SUMO2: variants seen among roughly 807,000 people sequenced by gnomAD.
SUMO2 encodes the protein small ubiquitin like modifier 2, also known as small ubiquitin-related modifier 2.
SUMO2 carries 1 observed loss-of-function variant against 16.0 expected under a neutral mutation model. The observed-to-expected ratio is 0.06, with a 90% CI of 0.02 to 0.30. The LOEUF (loss-of-function observed/expected upper bound fraction) is 0.30. Ranked by LOEUF, SUMO2 falls within the 10% of genes least tolerant of loss-of-function variation. The pLI, the probability that SUMO2 is intolerant of heterozygous loss-of-function variation, is 1.00. For synonymous variants in SUMO2, 36 were observed against 40.6 expected, an observed-to-expected ratio of 0.89 and a Z score of 0.43; for missense variants, 16 against 117.5, an observed-to-expected ratio of 0.14 and a Z score of 3.99.
rs1555655457 is a variant in SUMO2, at chr17:75,180,411, A to AAC, written c.153+645_153+646insGT. On this transcript the variant is annotated intron_variant, in intron 2 of 3. Transcript: ENST00000420826. Reference sequence around the variant, plus strand: ...CCAGCTTAAAAAAAAAAAAAAAAAAAAAAAAAAAAACGACTTCTTGGTTTG... The same window carrying AAC: ...CCAGCTTAAAAAAAAAAAAAAAAAAAACAAAAAAAAAACGACTTCTTGGTTTG... 1.7e-4 allele frequency among the ~76,000 whole-genome samples: 24 copies of AAC among 143,722 alleles called. No homozygotes were observed. The East Asian group carries it at 3.1e-3, about 19-fold the overall frequency. The allele number at this position is 143,722 out of a possible 152,430, so 94.3% of individuals were successfully genotyped here.
intron 2 of SUMO2, among the ~76,000 whole-genome samples, chr17:75,178,630 G>A (rs1025671559): frequency 1.1e-4 from 16 of 152,130 alleles, no homozygotes; most frequent in African/African-American, 3.4e-4. Context: ...GTGCAGCGAT[G>A]AGATCATGGC....
rs910417675 is a variant in SUMO2 at position 75,174,374 on chromosome 17, G to C, written c.225+378C>G. 5.3e-5 allele frequency among the ~76,000 whole-genome samples: 8 copies of C among 151,972 alleles called. No homozygotes were observed. The East Asian group carries it at 1.6e-3, about 29-fold the overall frequency. ...ACACTGTACTCAAGCCTGGGCGATG[G>C]AGTGAGATTCCGTCACAAAAAACAA... On this transcript the variant is annotated intron_variant, in intron 3 of 3. Coordinates refer to ENST00000420826, the MANE Select transcript of SUMO2 (RefSeq NM_006937.4).
chr17:75,175,035 G>A (rs1042920056), intron 2 of SUMO2, among the ~76,000 whole-genome samples: 1 of 152,068 alleles, frequency 6.6e-6, no homozygotes, highest in African/African-American at 2.4e-5. Flanking sequence ...AGGCTGAAGT[G>A]CAGTGGCGTG....
rs1375463087 is a variant in SUMO2 at position 75,166,690 on chromosome 17, G to A, written c.*1649C>T. 1 of 152,176 alleles carries A rather than the reference G, an allele frequency of 6.6e-6. No homozygotes were observed. Among genetic ancestry groups the A allele is most frequent in the Non-Finnish European group, 1.5e-5 (1 of 68,174 alleles). The allele number at this position is 152,176 out of a possible 1,614,324, so 9.4% of individuals were successfully genotyped here. On this transcript the variant is annotated 3_prime_UTR_variant, in exon 4 of 4. Transcript: ENST00000420826. Reference sequence around the variant, plus strand: ...TCTAGCTACTCACGAGGCTGAGCAGGGAGGATCTCTTAAGACCTGGAGGTG... The same window carrying A: ...TCTAGCTACTCACGAGGCTGAGCAGAGAGGATCTCTTAAGACCTGGAGGTG...
intron 3 of SUMO2, among the ~76,000 whole-genome samples, chr17:75,173,743 G>A (rs1184000156): frequency 6.6e-6 from 1 of 152,082 alleles, no homozygotes; most frequent in South Asian, 2.1e-4. Context: ...TCACAGTGCT[G>A]GCATTACAAG....
In SUMO2 at chr17:75,182,927, AG is replaced by A. The variant is rs1598231582; in HGVS notation, c.-94del. ...CACAAGCAGCACCAGGAGCGGCAGA[AG>A]AAGGAGGCGGCAGCGGTGGACGAGG... On this transcript the variant is annotated 5_prime_UTR_variant, in exon 1 of 4. Transcript: ENST00000420826. 31 of 1,131,634 alleles carry A rather than the reference AG, an allele frequency of 2.7e-5. No individual in the cohort carries two copies. The East Asian group carries it at 9.4e-4, about 34-fold the overall frequency. The allele number at this position is 1,131,634 out of a possible 1,614,324, so 70.1% of individuals were successfully genotyped here. A position where few individuals can be genotyped will look rare whatever the true frequency, so the allele number is the denominator to read the frequency against.
chr17:75,171,158 T>C (rs2074735518), intron 3 of SUMO2, among the ~76,000 whole-genome samples: 1 of 151,384 alleles, frequency 6.6e-6, no homozygotes, highest in South Asian at 2.1e-4. Flanking sequence ...CGATGGAGTT[T>C]CGCTGTTGTT....
Position 75,167,465 on chromosome 17 carries a change from T to C in SUMO2, c.*874A>G, listed in dbSNP as rs2074701798. Reference sequence around the variant, plus strand: ...ACCCTATGCTCCGTGCCTCACTTAATATACAGAAAATACCTGGAAATCCAC... The same window carrying C: ...ACCCTATGCTCCGTGCCTCACTTAACATACAGAAAATACCTGGAAATCCAC... On this transcript the variant is annotated 3_prime_UTR_variant, in exon 4 of 4. Coordinates refer to ENST00000420826, the MANE Select transcript of SUMO2 (RefSeq NM_006937.4). 1 of 152,158 alleles carries C rather than the reference T, an allele frequency of 6.6e-6. No individual in the cohort carries two copies. Among genetic ancestry groups the C allele is most frequent in the Non-Finnish European group, 1.5e-5 (1 of 68,032 alleles). 9.4% of individuals were successfully genotyped at this position (152,158 alleles called of 1,614,324 possible). A position where few individuals can be genotyped will look rare whatever the true frequency, so the allele number is the denominator to read the frequency against.
At chr17:75,180,351 A>G (rs1395368072) in intron 2 of SUMO2, among the ~76,000 whole-genome samples, 1 of 144,442 alleles carries the variant, frequency 6.9e-6, no homozygotes, top group Non-Finnish European at 1.5e-5. Context: ...TACAAGGTAG[A>G]TAAGTTCTAG....
chr17:75,180,991 T>A, intron 2 of SUMO2, 66 bp downstream of exon 2: 1 of 1,590,960 alleles, frequency 6.3e-7, no homozygotes, highest in South Asian at 1.1e-5. Context: ...CTAGTTTTTG[T>A]TCCCATGAAA....
intron 3 of SUMO2, among the ~76,000 whole-genome samples, chr17:75,170,169 T>C (rs923578304): frequency 6.6e-6 from 1 of 151,430 alleles, no homozygotes; most frequent in Admixed American, 6.6e-5. Context: ...CTCAAAAAAA[T>C]TAAATAAATG....
rs570904192 is a variant in SUMO2 at position 75,166,557 on chromosome 17, G to A, written c.*1782C>T. The A allele has an allele frequency of 6.6e-6, 1 of 152,354 alleles. No homozygotes were observed. The highest frequency in any genetic ancestry group is 1.5e-5 in the Non-Finnish European group (1 of 68,044). The allele number at this position is 152,354 out of a possible 1,614,324, so 9.4% of individuals were successfully genotyped here. On this transcript the variant is annotated 3_prime_UTR_variant, in exon 4 of 4. Transcript: ENST00000420826. Reference sequence around the variant, plus strand: ...TAAACCCAGCACATTGGGAGGCTAAGGCAGATAGATCACTTAAGATCAGGG... The same window carrying A: ...TAAACCCAGCACATTGGGAGGCTAAAGCAGATAGATCACTTAAGATCAGGG...
In SUMO2 at chr17:75,179,421, G is replaced by A. The variant is rs564612349; in HGVS notation, c.153+1636C>T. 5.3e-5 allele frequency among the ~76,000 whole-genome samples: 8 copies of A among 151,698 alleles called. No individual in the cohort carries two copies. In the South Asian group the frequency reaches 1.5e-3, roughly 28 times the overall value. Reference sequence around the variant, plus strand: ...CGTGCGCCCGTAGTCCCACCTACTCGGGAGACTGAGACAGGAGAATCGCTT... The same window carrying A: ...CGTGCGCCCGTAGTCCCACCTACTCAGGAGACTGAGACAGGAGAATCGCTT... On this transcript the variant is annotated intron_variant, in intron 2 of 3. Coordinates refer to ENST00000420826, the MANE Select transcript of SUMO2 (RefSeq NM_006937.4).
At position 75,181,165 on chromosome 17, in the gene SUMO2, G is replaced by C. The variant is rs749365427; in HGVS notation, c.45C>G (p.Asn15Lys). 6.2e-7 allele frequency: 1 copy of C among 1,613,748 alleles called. No homozygotes were observed. Among genetic ancestry groups the C allele is most frequent in the Non-Finnish European group, 8.5e-7 (1 of 1,179,906 alleles). Residue 15 changes from asparagine to lysine, a missense_variant, in exon 2 of 4, where the codon AAC becomes AAG. Physicochemically the swap from Asn to Lys is moderately conservative, Grantham distance 94. Transcript: ENST00000420826. ...CCGCCACCTTCAAATTAATATGATCGTTGTTCTCAGTCTTGACTCCTTCCT... is the reference window on the plus strand; with the variant it reads ...CCGCCACCTTCAAATTAATATGATCCTTGTTCTCAGTCTTGACTCCTTCCT... ...KPKEGVKTEN[N>K]DHINLKVAGQ...
At chr17:75,169,295 T>C (rs566610439) in intron 3 of SUMO2, among the ~76,000 whole-genome samples, 3 of 152,108 alleles carry the variant, frequency 2.0e-5, no homozygotes, top group East Asian at 3.9e-4. Flanking sequence ...TCTCAACACT[T>C]TGGGAGGCTG....
chr17:75,176,606 T>C (rs2074784142), intron 2 of SUMO2, among the ~76,000 whole-genome samples: 2 of 145,316 alleles, frequency 1.4e-5, no homozygotes, highest in Non-Finnish European at 3.0e-5. Flanking sequence ...ACAGACCAGA[T>C]TCAATATCAA....
chr17:75,168,435 T>C (rs1042140948), intron 3 of SUMO2, 34 bp from the exon 4 acceptor site: 2 of 1,564,586 alleles, frequency 1.3e-6, no homozygotes, highest in South Asian at 1.2e-5. Flanking sequence ...GTAAAAGCAC[T>C]GATTAAGTTC....
chr17:75,181,558 C>T (rs2145227869), intron 1 of SUMO2, among the ~76,000 whole-genome samples: 1 of 152,272 alleles, frequency 6.6e-6, no homozygotes, highest in African/African-American at 2.4e-5. Context: ...CTTCTCTTTT[C>T]TAAGCACTTT....
Position 75,168,197 on chromosome 17 carries a change from G to A in SUMO2, c.*142C>T, listed in dbSNP as rs1305703959. 1.7e-5 allele frequency: 11 copies of A among 643,414 alleles called. No individual in the cohort carries two copies. Among genetic ancestry groups the A allele is most frequent in the Non-Finnish European group, 5.0e-6 (2 of 398,922 alleles). The allele number at this position is 643,414 out of a possible 1,614,324, so 39.9% of individuals were successfully genotyped here. A position where few individuals can be genotyped will look rare whatever the true frequency, so the allele number is the denominator to read the frequency against. ...GTTACTTTATGTACAATAAAGGAATGGGGAAGGGGGAAATGAAAGAATAGA... is the reference window on the plus strand; with the variant it reads ...GTTACTTTATGTACAATAAAGGAATAGGGAAGGGGGAAATGAAAGAATAGA... On this transcript the variant is annotated 3_prime_UTR_variant, in exon 4 of 4. Coordinates refer to ENST00000420826, the MANE Select transcript of SUMO2 (RefSeq NM_006937.4).
Sources: gnomAD v4.1 joint callset for allele counts (sites outside exome capture counted in the v4.1 genomes callset) on GRCh38, gnomAD v4.1.1 for gene constraint, MANE v1.5 for transcripts, NCBI Gene and HGNC (gene_info 2026-07-23, HGNC 2026-07-21) for gene names.